CYRIB: variants seen among roughly 807,000 people sequenced by gnomAD.
The protein encoded by CYRIB is CYFIP related Rac1 interactor B, also known as CYFIP-related Rac1 interactor B.
Under a neutral mutation model 44.2 loss-of-function variants are expected in CYRIB, and 8 were observed. That is an observed-to-expected ratio of 0.18 (90% CI 0.11 to 0.33). The LOEUF is 0.33. CYRIB is among the 10% of genes least tolerant of loss of function. CYRIB has a pLI of 1.00. For missense variants in CYRIB, 185 were observed against 382.8 expected (o/e 0.48, Z 4.31); for synonymous variants, 131 against 127.2 (o/e 1.03, Z -0.20).
At chr8:129,844,675 A>C (rs2131030750) in intron 11 of CYRIB, among the ~76,000 whole-genome samples, 1 of 152,326 alleles carries the variant, frequency 6.6e-6, no homozygotes, top group African/African-American at 2.4e-5. Context: ...TAATTACTAC[A>C]GGAAAGCATT....
intron 2 of CYRIB, among the ~76,000 whole-genome samples, chr8:129,886,675 C>T (rs556126253): frequency 2.6e-5 from 4 of 152,250 alleles, no homozygotes; most frequent in African/African-American, 7.2e-5. Flanking sequence ...GTAACTTCCA[C>T]GTTGCTAATT....
chr8:129,901,589 A>T (rs1366164963), intron 2 of CYRIB: 1 of 152,178 alleles, frequency 6.6e-6, no homozygotes, highest in Non-Finnish European at 1.5e-5. Flanking sequence ...GGTCTAGCTG[A>T]ATTTTCACTA....
intron 1 of CYRIB, among the ~76,000 whole-genome samples, chr8:130,011,251 T>C (rs2097206712): frequency 6.6e-6 from 1 of 152,162 alleles, no homozygotes; most frequent in African/African-American, 2.4e-5. Flanking sequence ...CCAGGCGTAA[T>C]GGCTCATGCC....
At chr8:129,856,893 A>G (rs750691006) in intron 5 of CYRIB, among the ~76,000 whole-genome samples, 4 of 152,220 alleles carry the variant, frequency 2.6e-5, no homozygotes, top group Non-Finnish European at 2.9e-5. Context: ...ATAAAGCAAC[A>G]TTGTACGTAG....
At chr8:129,992,659 A>C (rs1156825685) in intron 1 of CYRIB, among the ~76,000 whole-genome samples, 2 of 152,254 alleles carry the variant, frequency 1.3e-5, no homozygotes, top group Non-Finnish European at 1.5e-5. Context: ...CTTTTGGAAG[A>C]GGGCAGAGCT....
chr8:129,876,021 G>T (rs1014783229), intron 3 of CYRIB, among the ~76,000 whole-genome samples: 2 of 152,018 alleles, frequency 1.3e-5, no homozygotes, highest in Admixed American at 1.3e-4. Context: ...GGCTGAGGTA[G>T]GAGAATCACT....
intron 2 of CYRIB, among the ~76,000 whole-genome samples, chr8:129,966,219 G>A (rs2095473871): frequency 1.3e-5 from 2 of 152,182 alleles, no homozygotes; most frequent in Non-Finnish European, 2.9e-5. Flanking sequence ...TAGCAATGCT[G>A]CAATGAGTAT....
At chr8:129,846,958 C>G (rs1236522389) in intron 10 of CYRIB, 84 bp from the exon 13 acceptor site, 1 of 751,184 alleles carries the variant, frequency 1.3e-6, no homozygotes, top group African/African-American at 1.8e-5. Flanking sequence ...TAAATCAAGA[C>G]CATAACTATG....
At chr8:129,846,118 C>T (rs749787505) in intron 11 of CYRIB, among the ~76,000 whole-genome samples, 5 of 152,090 alleles carry the variant, frequency 3.3e-5, no homozygotes, top group African/African-American at 9.7e-5. Flanking sequence ...GGTGACAGAG[C>T]GAGATTCCAA....
chr8:129,902,688 C>T (rs957938002), intron 2 of CYRIB, among the ~76,000 whole-genome samples: 1 of 151,944 alleles, frequency 6.6e-6, no homozygotes, highest in African/African-American at 2.4e-5. Flanking sequence ...AAGAAGAACA[C>T]GGAAAGGGAT....
At chr8:129,941,549 C>T (rs1247049981), upstream of CYRIB, among the ~76,000 whole-genome samples, 2 of 152,136 alleles carry the variant, frequency 1.3e-5, no homozygotes, top group African/African-American at 4.8e-5. Context: ...GCTAGGATTA[C>T]AGGCGTGAGC....
intron 2 of CYRIB, among the ~76,000 whole-genome samples, chr8:129,956,739 C>A (rs2094859019): frequency 6.6e-6 from 1 of 152,136 alleles, no homozygotes; most frequent in South Asian, 2.1e-4. Context: ...CTTTACCTGA[C>A]AGTTAAGCCT....
At chr8:129,867,996 A>C (rs1383695776) in intron 4 of CYRIB, among the ~76,000 whole-genome samples, 1 of 152,226 alleles carries the variant, frequency 6.6e-6, no homozygotes, top group Non-Finnish European at 1.5e-5. Context: ...CTTCACAGTG[A>C]TGTGCACTTA....
chr8:129,975,339 T>G (rs1418998612), intron 1 of CYRIB, among the ~76,000 whole-genome samples: 1 of 152,170 alleles, frequency 6.6e-6, no homozygotes, highest in Non-Finnish European at 1.5e-5. Flanking sequence ...AGGAAGACAT[T>G]TCTACCCATA....
chr8:129,912,136 A>G (rs546410498), intron 1 of CYRIB, among the ~76,000 whole-genome samples: 1 of 152,338 alleles, frequency 6.6e-6, no homozygotes, highest in South Asian at 2.1e-4. Context: ...TTACACACAT[A>G]ATTTTAAAGG....
At chr8:129,985,996 G>T (rs533012680) in intron 1 of CYRIB, among the ~76,000 whole-genome samples, 16 of 152,262 alleles carry the variant, frequency 1.1e-4, no homozygotes, top group African/African-American at 3.6e-4. Context: ...TGCCCCAGGA[G>T]TCCTCACCCT....
intron 1 of CYRIB, among the ~76,000 whole-genome samples, chr8:130,010,852 T>C (rs759443351): frequency 6.6e-6 from 1 of 152,160 alleles, no homozygotes; most frequent in African/African-American, 2.4e-5. Flanking sequence ...ACTCAAAGTA[T>C]GGTCTACAAT....
intron 2 of CYRIB, among the ~76,000 whole-genome samples, chr8:129,902,257 T>C (rs1206760592): frequency 6.6e-6 from 1 of 152,202 alleles, no homozygotes; most frequent in East Asian, 1.9e-4. Flanking sequence ...TCTCACTCTG[T>C]TGCCCAGGCT....
At chr8:129,916,074 G>A (rs1029020923) in intron 1 of CYRIB, among the ~76,000 whole-genome samples, 8 of 152,082 alleles carry the variant, frequency 5.3e-5, no homozygotes, top group Non-Finnish European at 7.4e-5. Context: ...TCACAAATGG[G>A]AAAGTTGAGA....
Sources: allele counts gnomAD v4.1 joint callset (sites outside exome capture counted in the v4.1 genomes callset), GRCh38; gene constraint gnomAD v4.1.1; transcripts MANE v1.5; gene names NCBI Gene and HGNC (gene_info 2026-07-23, HGNC 2026-07-21).